Variants in SCAI observed in about 807,000 individuals in gnomAD.
The protein encoded by SCAI is protein SCAI.
SCAI carries 24 observed loss-of-function variants against 92.2 expected under a neutral mutation model. The observed-to-expected ratio is 0.26, with a 90% confidence interval of 0.19 to 0.37. SCAI has a LOEUF of 0.37. Among genes scored for constraint, SCAI ranks in the 10% least tolerant of loss-of-function variants. The pLI is 1.00. For missense variants in SCAI, 450 were observed against 736.2 expected (o/e 0.61, Z 4.50); for synonymous variants, 261 against 258.6 (o/e 1.01, Z -0.09).
rs892840201 is a variant in SCAI, at chr9:125,102,637, G to A, written c.98+39996C>T. Among the ~76,000 whole-genome samples, 8 of 150,768 alleles carry A rather than the reference G, an allele frequency of 5.3e-5. 1 individual carries two copies. Among genetic ancestry groups the A allele is most frequent in the South Asian group, 2.1e-4 (1 of 4,758 alleles). On this transcript the variant is annotated intron_variant, in intron 2 of 17. Coordinates refer to ENST00000336505, the MANE Select transcript of SCAI (RefSeq NM_001144877.3). ...TTTTGAGATGGAGTGTCACTCTGTC[G>A]CCCAGGCTGGAGTGCAGTGGCACGA...
chr9:125,070,681 G>A (rs1346941884), intron 2 of SCAI, among the ~76,000 whole-genome samples: 1 of 152,070 alleles, frequency 6.6e-6, no homozygotes, highest in Non-Finnish European at 1.5e-5. Context: ...TTACAAGCAT[G>A]AGCCACCACA....
chr9:124,966,028 T>C (rs1831533233), intron 17 of SCAI, among the ~76,000 whole-genome samples: 2 of 152,226 alleles, frequency 1.3e-5, no homozygotes, highest in African/African-American at 2.4e-5. Flanking sequence ...AGGATGTGGC[T>C]ACCAAATTAT....
chr9:125,065,214 G>A lies in SCAI; in HGVS notation c.99-9207C>T, dbSNP rs1418793735. On this transcript the variant is annotated intron_variant, in intron 2 of 17. Coordinates refer to ENST00000336505, the MANE Select transcript of SCAI (RefSeq NM_001144877.3). ...ACCCTGGCAAGAATGACCCACGGGGGAAAAAAAACAACAACAGAGAATAAC... is the reference window on the plus strand; with the variant it reads ...ACCCTGGCAAGAATGACCCACGGGGAAAAAAAAACAACAACAGAGAATAAC... 3.3e-5 allele frequency among the ~76,000 whole-genome samples: 5 copies of A among 150,736 alleles called. No homozygotes were observed. The South Asian group carries it at 8.4e-4, about 25-fold the overall frequency.
At chr9:124,955,011 C>CA (rs1272336030) in intron 17 of SCAI, among the ~76,000 whole-genome samples, 3 of 151,674 alleles carry the variant, frequency 2.0e-5, no homozygotes, top group Non-Finnish European at 4.4e-5. Context: ...ACTAAAAATA[C>CA]AAAAAATTAG....
At chr9:125,039,453 G>C (rs1278007217) in intron 3 of SCAI, among the ~76,000 whole-genome samples, 26 of 151,080 alleles carry the variant, frequency 1.7e-4, no homozygotes, top group Admixed American at 1.7e-3. Flanking sequence ...ATCTCATAAA[G>C]CAGTAAAAAT....
chr9:125,121,858 AAAAT>A (rs1835163070), intron 2 of SCAI, among the ~76,000 whole-genome samples: 1 of 152,220 alleles, frequency 6.6e-6, no homozygotes, highest in African/African-American at 2.4e-5. Context: ...CAGTCTCAAA[AAAAT>A]AAATAAATAA....
intron 3 of SCAI, among the ~76,000 whole-genome samples, chr9:125,038,415 T>A (rs773203126): frequency 1.3e-5 from 2 of 152,198 alleles, no homozygotes; most frequent in Non-Finnish European, 2.9e-5. Context: ...AAGCCTGTAA[T>A]ACCATGATAT....
intron 2 of SCAI, among the ~76,000 whole-genome samples, chr9:125,129,425 A>C (rs1835349485): frequency 1.3e-5 from 2 of 151,212 alleles, no homozygotes; most frequent in Non-Finnish European, 2.9e-5. Flanking sequence ...AAAAATAAAT[A>C]AAAAGAAGGA....
intron 3 of SCAI, among the ~76,000 whole-genome samples, chr9:125,045,626 G>A (rs1833418410): frequency 6.6e-6 from 1 of 152,182 alleles, no homozygotes; most frequent in African/African-American, 2.4e-5. Flanking sequence ...ATGAGTCGCT[G>A]TGCCTGGCCT....
intron 14 of SCAI, among the ~76,000 whole-genome samples, chr9:124,980,864 T>A (rs1053561257): frequency 6.6e-6 from 1 of 152,184 alleles, no homozygotes; most frequent in Non-Finnish European, 1.5e-5. Flanking sequence ...TCACTGAACC[T>A]GGGAATCATC....
chr9:125,008,798 A>G (rs1832569099), intron 9 of SCAI, among the ~76,000 whole-genome samples: 1 of 152,194 alleles, frequency 6.6e-6, no homozygotes. Flanking sequence ...TCAGAGACAT[A>G]ATAACCATAT....
At chr9:125,139,685 ATGATG>A (rs1396475265) in intron 2 of SCAI, among the ~76,000 whole-genome samples, 1 of 152,200 alleles carries the variant, frequency 6.6e-6, no homozygotes, top group Non-Finnish European at 1.5e-5. Context: ...AAAAGTCTGA[ATGATG>A]TTCAATAAGC....
At chr9:125,066,461 TTTA>T (rs1833871070) in intron 2 of SCAI, among the ~76,000 whole-genome samples, 4 of 91,974 alleles carry the variant, frequency 4.3e-5, no homozygotes, top group African/African-American at 2.0e-4. Context: ...TATTTATTTA[TTTA>T]TTTTTTTTTG....
chr9:125,088,919 A>G (rs1834375249), intron 2 of SCAI, among the ~76,000 whole-genome samples: 1 of 152,152 alleles, frequency 6.6e-6, no homozygotes, highest in Admixed American at 6.5e-5. Context: ...GTTTAGCGGC[A>G]TCCCTCGCCT....
At chr9:125,063,105 C>G (rs1200981475) in intron 2 of SCAI, among the ~76,000 whole-genome samples, 2 of 149,390 alleles carry the variant, frequency 1.3e-5, no homozygotes, top group African/African-American at 4.9e-5. Context: ...ACCCCCCACC[C>G]CCCCCAGAAA....
chr9:125,019,522 G>A (rs985134644), intron 7 of SCAI, among the ~76,000 whole-genome samples: 1 of 151,976 alleles, frequency 6.6e-6, no homozygotes, highest in Admixed American at 6.6e-5. Flanking sequence ...AAATGAGGCT[G>A]GATGCAGTAT....
intron 2 of SCAI, among the ~76,000 whole-genome samples, chr9:125,117,665 CAA>C (rs372964615): frequency 6.6e-5 from 3 of 45,258 alleles, no homozygotes; most frequent in Admixed American, 3.1e-4. Flanking sequence ...GACTCCATCT[CAA>C]AAAAAAAAAA....
rs1831206776 is a variant in SCAI at position 124,949,892 on chromosome 9, A to G, written c.*2915T>C. 6.6e-6 allele frequency: 1 copy of G among 152,198 alleles called. No individual in the cohort carries two copies. The highest frequency in any genetic ancestry group is 2.4e-5 in the African/African-American group (1 of 41,440). 9.4% of individuals were successfully genotyped at this position (152,198 alleles called of 1,614,324 possible). ...TTTTTTTGAAGGCATCAATGAAACA[A>G]TAACATTTTCCAGCACAGTTTTCCT... On this transcript the variant is annotated 3_prime_UTR_variant, in exon 18 of 18. Transcript: ENST00000336505. The surrounding 1 kb of genome is among the most constrained non-coding windows in gnomAD (Gnocchi z 4.0).
At chr9:125,127,530 C>T (rs1047578893) in intron 2 of SCAI, among the ~76,000 whole-genome samples, 15 of 152,030 alleles carry the variant, frequency 9.9e-5, no homozygotes, top group African/African-American at 3.4e-4. Flanking sequence ...ACACCTGCCC[C>T]CAAGGGCAGA....
Sources: gnomAD v4.1 joint callset for allele counts (sites outside exome capture counted in the v4.1 genomes callset) on GRCh38, gnomAD v4.1.1 for gene constraint, Gnocchi (gnomAD v3.1) non-coding constraint, MANE v1.5 for transcripts, NCBI Gene and HGNC (gene_info 2026-07-23, HGNC 2026-07-21) for gene names.